Variants in TTBK2 observed in about 807,000 individuals in gnomAD.
TTBK2 encodes tau-tubulin kinase 2.
TTBK2 carries 28 observed loss-of-function variants against 110.8 expected under a neutral mutation model. The observed-to-expected ratio is 0.25, with a 90% CI of 0.19 to 0.35. The LOEUF (loss-of-function observed/expected upper bound fraction) is 0.35. Among genes scored for constraint, TTBK2 ranks in the 10% least tolerant of loss-of-function variants. The probability of loss-of-function intolerance (pLI) is 1.00; values close to 1 mark genes in which losing one functional copy is unlikely to be tolerated. For synonymous variants in TTBK2, 532 were observed against 527.3 expected, an observed-to-expected ratio of 1.01 and a Z score of -0.12; for missense variants, 1,369 against 1,500.3, an observed-to-expected ratio of 0.91 and a Z score of 1.45.
chr15:42,805,104 G>C (rs941284994), intron 9 of TTBK2, among the ~76,000 whole-genome samples: 1 of 152,116 alleles, frequency 6.6e-6, no homozygotes, highest in African/African-American at 2.4e-5. Context: ...GACATACATT[G>C]ACTGCCTACT....
chr15:42,918,643 T>G (rs2031213337), intron 1 of TTBK2, among the ~76,000 whole-genome samples: 1 of 152,204 alleles, frequency 6.6e-6, no homozygotes, highest in Non-Finnish European at 1.5e-5. Context: ...TTTTTAGAAG[T>G]AAAATACGCT....
intron 1 of TTBK2, among the ~76,000 whole-genome samples, chr15:42,880,914 A>C (rs927318161): frequency 7.2e-5 from 11 of 151,948 alleles, no homozygotes; most frequent in Admixed American, 7.2e-4. Flanking sequence ...CTATGGAACT[A>C]AAAAAATTAA....
intron 10 of TTBK2, among the ~76,000 whole-genome samples, chr15:42,784,169 T>C (rs1439383444): frequency 3.9e-5 from 6 of 152,242 alleles, no homozygotes; most frequent in Non-Finnish European, 5.9e-5. Context: ...ATTTTCAAGC[T>C]GATTTTAAAA....
At chr15:42,895,967 T>C (rs771843195) in intron 1 of TTBK2, among the ~76,000 whole-genome samples, 5 of 152,216 alleles carry the variant, frequency 3.3e-5, no homozygotes, top group Non-Finnish European at 5.9e-5. Context: ...TAAATCTTTC[T>C]GTCTGTATGG....
At chr15:42,842,586 T>C (rs998481000) in intron 3 of TTBK2, among the ~76,000 whole-genome samples, 1 of 151,968 alleles carries the variant, frequency 6.6e-6, no homozygotes, top group Non-Finnish European at 1.5e-5. Flanking sequence ...AAAACATAAA[T>C]ACAATTAAGA....
chr15:42,809,916 T>C (rs1891630802), intron 9 of TTBK2, among the ~76,000 whole-genome samples: 1 of 152,238 alleles, frequency 6.6e-6, no homozygotes, highest in Non-Finnish European at 1.5e-5. Context: ...ACCATTAACA[T>C]GCAGTAAAGT....
At position 42,869,492 on chromosome 15, in the gene TTBK2, T is replaced by C. The variant is rs184400925; in HGVS notation, c.217+3119A>G. 1.6e-4 allele frequency among the ~76,000 whole-genome samples: 24 copies of C among 148,480 alleles called. No homozygotes were observed. In the East Asian group the frequency reaches 4.5e-3, roughly 28 times the overall value. ...AAAAAACAACAAAATAATTTTGTAATAAAAAAAGAAAATGGAGAAGTGAAG... is the reference window on the plus strand; with the variant it reads ...AAAAAACAACAAAATAATTTTGTAACAAAAAAAGAAAATGGAGAAGTGAAG... On this transcript the variant is annotated intron_variant, in intron 3 of 14. Transcript: ENST00000267890.
At chr15:42,809,403 G>A (rs1240940804) in intron 9 of TTBK2, among the ~76,000 whole-genome samples, 1 of 152,148 alleles carries the variant, frequency 6.6e-6, no homozygotes, top group African/African-American at 2.4e-5. Context: ...GTCTTCTTTA[G>A]ATATAGGTTT....
chr15:42,752,662 G>C lies in TTBK2; in HGVS notation c.2584C>G (p.His862Asp). 6.2e-7 allele frequency: 1 copy of C among 1,614,078 alleles called. No individual in the cohort carries two copies. The highest frequency in any genetic ancestry group is 8.5e-7 in the Non-Finnish European group (1 of 1,180,046). ...ACTTGGCCTATCTGACCTTCAACAT[G>C]TGGGTCAATGTCTCTGGAAGAAATT... Reference protein sequence around the residue: ...SEISSRDIDPHVEGQIGQVAE... With the variant: ...SEISSRDIDPDVEGQIGQVAE... Residue 862 changes from histidine (H) to aspartate (D), a missense_variant, in exon 14 of 15, where the codon CAT becomes GAT. His to Asp is a moderately conservative substitution (Grantham distance 81). Around this residue, in one of 4 missense-constraint regions of TTBK2, gnomAD observed 1,097 missense variants for 1,114.7 expected, o/e 0.98. Coordinates refer to ENST00000267890, the MANE Select transcript of TTBK2 (RefSeq NM_173500.4).
At position 42,775,684 on chromosome 15, in the gene TTBK2, T is replaced by C; in HGVS notation, c.1449A>G (p.Glu483=). The C allele has an allele frequency of 6.2e-7, 1 of 1,613,328 alleles. No homozygotes were observed. The highest frequency in any genetic ancestry group is 1.1e-5 in the South Asian group (1 of 90,956). The change falls in exon 13 of 15, where the codon GAA becomes GAG. Residue 483 remains glutamate, a synonymous_variant. Transcript: ENST00000267890. ...KMQKDTSAGK[E]SILPALLHKP... is the part of the protein sequence containing the mutation. ...TATGCAGCAGAGCAGGGAGAATAGA[T>C]TCTTTTCCTGCACTGGTATCTTTCT...
intron 3 of TTBK2, among the ~76,000 whole-genome samples, chr15:42,844,859 G>A (rs887650940): frequency 6.6e-5 from 10 of 152,146 alleles, no homozygotes; most frequent in African/African-American, 2.2e-4. Flanking sequence ...AAAAGGGAAA[G>A]AAAGACTGTG....
Position 42,895,748 on chromosome 15 carries a change from A to G in TTBK2, c.-67-17064T>C, listed in dbSNP as rs370131989. On this transcript the variant is annotated intron_variant, in intron 1 of 14. Coordinates refer to ENST00000267890, the MANE Select transcript of TTBK2 (RefSeq NM_173500.4). ...GAGACGGGGTTTCACCGTGTTAGAC[A>G]GGATGGCCTCGATCTCCTGACCTTG... Among the ~76,000 whole-genome samples the G allele has an allele frequency of 9.9e-5, 15 of 152,146 alleles. No homozygotes were observed. In the East Asian group the frequency reaches 2.5e-3, roughly 26 times the overall value.
chr15:42,876,521 ATATTT>A, intron 2 of TTBK2, among the ~76,000 whole-genome samples: 1 of 152,316 alleles, frequency 6.6e-6, no homozygotes, highest in East Asian at 1.9e-4. Flanking sequence ...TAGTTTCCTT[ATATTT>A]GGTCAAGTAA....
chr15:42,827,688 A>C (rs766218924), intron 6 of TTBK2, among the ~76,000 whole-genome samples: 3 of 152,184 alleles, frequency 2.0e-5, no homozygotes, highest in Non-Finnish European at 1.5e-5. Flanking sequence ...CCCTAATCTC[A>C]AAGGGTCAAT....
At chr15:42,800,966 C>T (rs1216172721) in intron 9 of TTBK2, 3 of 749,746 alleles carry the variant, frequency 4.0e-6, no homozygotes, top group African/African-American at 3.4e-5. Flanking sequence ...AGGGGCTTCA[C>T]TTGGGCAGGA....
At chr15:42,763,157 C>CATATATATATATATATATACATATAT (rs1567008796) in intron 13 of TTBK2, among the ~76,000 whole-genome samples, 1 of 20,472 alleles carries the variant, frequency 4.9e-5, no homozygotes, top group Non-Finnish European at 7.8e-5. Context: ...TATATATATA[C>CATATATATATATATATATACATATAT]ATATATATAT....
At chr15:42,826,665 T>C (rs1340652098) in intron 6 of TTBK2, among the ~76,000 whole-genome samples, 1 of 152,168 alleles carries the variant, frequency 6.6e-6, no homozygotes, top group African/African-American at 2.4e-5. Context: ...CTGTACTCAT[T>C]TTACTTTTTA....
At chr15:42,884,159 A>G (rs1303338950) in intron 1 of TTBK2, among the ~76,000 whole-genome samples, 1 of 152,224 alleles carries the variant, frequency 6.6e-6, no homozygotes, top group African/African-American at 2.4e-5. Context: ...ATCCGTGGTT[A>G]TAACTGGAGT....
chr15:42,903,855 T>G (rs2030214566), intron 1 of TTBK2, among the ~76,000 whole-genome samples: 1 of 152,236 alleles, frequency 6.6e-6, no homozygotes, highest in African/African-American at 2.4e-5. Flanking sequence ...ATTCTCTCTC[T>G]CTGGCTCTTT....
Sources: allele counts gnomAD v4.1 joint callset (sites outside exome capture counted in the v4.1 genomes callset), GRCh38; gene constraint gnomAD v4.1.1; regional missense constraint gnomAD v4.1.1; transcripts MANE v1.5; gene names NCBI Gene and HGNC (gene_info 2026-07-23, HGNC 2026-07-21).